The following PKN2 variants were observed in gnomAD, a reference collection of about 807,000 sequenced individuals.
The protein encoded by PKN2 is serine/threonine-protein kinase N2.
In PKN2, 38 loss-of-function variants were observed where a neutral mutation model predicts 119.1. The observed-to-expected ratio is 0.32, with a 90% CI of 0.25 to 0.42. The LOEUF (loss-of-function observed/expected upper bound fraction) is 0.42, where lower values mean the gene tolerates loss of function less well. PKN2 is among the 10% of genes least tolerant of loss of function. The pLI, the probability that PKN2 is intolerant of heterozygous loss-of-function variation, is 1.00. For synonymous variants in PKN2, 390 were observed against 384.9 expected (o/e 1.01, Z -0.15); for missense variants, 850 against 1,165.1 (o/e 0.73, Z 3.94).
At chr1:88,766,562 T>C (rs1669677218) in intron 3 of PKN2, among the ~76,000 whole-genome samples, 1 of 152,236 alleles carries the variant, frequency 6.6e-6, no homozygotes, top group Non-Finnish European at 1.5e-5. Flanking sequence ...TACTAATAGT[T>C]CATTACTTTA....
intron 1 of PKN2, among the ~76,000 whole-genome samples, chr1:88,726,707 A>G (rs1462649083): frequency 1.3e-5 from 2 of 151,920 alleles, no homozygotes; most frequent in Non-Finnish European, 2.9e-5. Context: ...TCTGGAGAAT[A>G]TTGTATAATA....
chr1:88,791,078 A>G (rs886123585), intron 8 of PKN2, among the ~76,000 whole-genome samples: 12 of 152,094 alleles, frequency 7.9e-5, no homozygotes, highest in Non-Finnish European at 1.6e-4. Context: ...ATCATATTGT[A>G]TATTTGGGCA....
At chr1:88,735,602 A>ACCCCCCCCC (rs75497861) in intron 1 of PKN2, among the ~76,000 whole-genome samples, 2 of 51,504 alleles carry the variant, frequency 3.9e-5, no homozygotes, top group Non-Finnish European at 7.8e-5. Flanking sequence ...TTGACAGCCC[A>ACCCCCCCCC]CCCCCCCCCC....
intron 3 of PKN2, among the ~76,000 whole-genome samples, chr1:88,762,689 ATAGT>A (rs1248614189): frequency 2.6e-5 from 4 of 152,166 alleles, no homozygotes; most frequent in African/African-American, 7.2e-5. Context: ...TCACATGTAA[ATAGT>A]TAAAGTGTGT....
chr1:88,716,538 T>C (rs540574825), intron 1 of PKN2, among the ~76,000 whole-genome samples: 6 of 152,294 alleles, frequency 3.9e-5, no homozygotes, highest in African/African-American at 1.4e-4. Flanking sequence ...ATCCCTTTAC[T>C]ATTATGTAAT....
At chr1:88,790,468 T>G (rs1570635018) in intron 8 of PKN2, among the ~76,000 whole-genome samples, 1 of 152,238 alleles carries the variant, frequency 6.6e-6, no homozygotes, top group African/African-American at 2.4e-5. Context: ...GGTTGGAAAT[T>G]ACTTTCATTA....
At chr1:88,694,128 C>A (rs1014651249) in intron 1 of PKN2, among the ~76,000 whole-genome samples, 1 of 152,178 alleles carries the variant, frequency 6.6e-6, no homozygotes, top group African/African-American at 2.4e-5. Context: ...TATATTGACA[C>A]ATCATCATCA....
chr1:88,765,657 GT>G (rs1669639861), intron 3 of PKN2, among the ~76,000 whole-genome samples: 1 of 152,162 alleles, frequency 6.6e-6, no homozygotes, highest in African/African-American at 2.4e-5. Flanking sequence ...AAGTGGTGTT[GT>G]TGTTGTTGTT....
intron 2 of PKN2, among the ~76,000 whole-genome samples, chr1:88,746,408 A>G (rs68166645): frequency 0.052 from 7,869 of 152,186 alleles, 391 homozygotes; most frequent in African/African-American, 0.12. Context: ...TACTGAATTC[A>G]AGGAAAAGAA....
chr1:88,797,134 G>C (rs1040952237), intron 8 of PKN2, among the ~76,000 whole-genome samples: 19 of 151,822 alleles, frequency 1.3e-4, no homozygotes, highest in Non-Finnish European at 2.8e-4. Flanking sequence ...AGGAGTTCAA[G>C]ACCAGCCTGG....
At chr1:88,772,249 C>A (rs1046282099) in intron 6 of PKN2, among the ~76,000 whole-genome samples, 5 of 152,138 alleles carry the variant, frequency 3.3e-5, no homozygotes, top group Admixed American at 3.3e-4. Flanking sequence ...TAATTTGTGA[C>A]CTTTTTTGCC....
In PKN2 at chr1:88,833,727, AAT is replaced by A; in HGVS notation, c.*281_*282del. On this transcript the variant is annotated 3_prime_UTR_variant, in exon 22 of 22. Coordinates refer to ENST00000370521, the MANE Select transcript of PKN2 (RefSeq NM_006256.4). ...AATCCATCACGAATACTTTTGGATCAATAGTCTATTTTTAAAAAGAAAGAAAA... is the reference window on the plus strand; with the variant it reads ...AATCCATCACGAATACTTTTGGATCAAGTCTATTTTTAAAAAGAAAGAAAA... 3.1e-6 allele frequency: 1 copy of A among 325,354 alleles called. No homozygotes were observed. The highest frequency in any genetic ancestry group is 5.6e-6 in the Non-Finnish European group (1 of 179,198). 20.2% of individuals were successfully genotyped at this position (325,354 alleles called of 1,614,324 possible).
intron 8 of PKN2, among the ~76,000 whole-genome samples, chr1:88,799,163 A>C (rs186169619): frequency 6.6e-6 from 1 of 152,352 alleles, no homozygotes; most frequent in African/African-American, 2.4e-5. Context: ...GATAGAGCAT[A>C]GCAGTTTCTA....
At chr1:88,786,000 A>G (rs1255770535) in intron 7 of PKN2, 104 bp from the exon 8 acceptor site, 1 of 629,906 alleles carries the variant, frequency 1.6e-6, no homozygotes, top group Non-Finnish European at 2.8e-6. Context: ...GAAAAACTTT[A>G]TTTTCAAAGG....
In PKN2 at chr1:88,775,834, A is replaced by G. The variant is rs533608048; in HGVS notation, c.985+3955A>G. 1.1e-4 allele frequency among the ~76,000 whole-genome samples: 17 copies of G among 152,310 alleles called. No homozygotes were observed. In the East Asian group the frequency reaches 3.3e-3, roughly 29 times the overall value. ...GAAATATTGGCTTCTGGCCAGGCGC[A>G]GTGGCTCACGCCTGTAATCTCAGCA... On this transcript the variant is annotated intron_variant, in intron 6 of 21. Coordinates refer to ENST00000370521, the MANE Select transcript of PKN2 (RefSeq NM_006256.4).
intron 1 of PKN2, among the ~76,000 whole-genome samples, chr1:88,699,602 T>C (rs868026465): frequency 2.6e-5 from 4 of 151,962 alleles, no homozygotes; most frequent in Non-Finnish European, 5.9e-5. Context: ...GTAGGCCCCA[T>C]TGTGTGGTGT....
chr1:88,822,839 A>G (rs1390240133), intron 17 of PKN2, among the ~76,000 whole-genome samples: 1 of 152,034 alleles, frequency 6.6e-6, no homozygotes, highest in Non-Finnish European at 1.5e-5. Flanking sequence ...TCGGCCTCCC[A>G]AAGTGCTGGG....
intron 18 of PKN2, among the ~76,000 whole-genome samples, chr1:88,825,982 C>T (rs566853774): frequency 2.6e-5 from 4 of 152,224 alleles, no homozygotes; most frequent in Admixed American, 1.3e-4. Flanking sequence ...AACATCTGCT[C>T]ATCCTTGTCA....
At chr1:88,823,297 G>A (rs559868357) in intron 17 of PKN2, among the ~76,000 whole-genome samples, 1 of 152,232 alleles carries the variant, frequency 6.6e-6, no homozygotes, top group Non-Finnish European at 1.5e-5. Flanking sequence ...TAGTATGGAT[G>A]GATAGCTTTC....
Sources: allele counts gnomAD v4.1 joint callset (sites outside exome capture counted in the v4.1 genomes callset), GRCh38; gene constraint gnomAD v4.1.1; transcripts MANE v1.5; gene names NCBI Gene and HGNC (gene_info 2026-07-23, HGNC 2026-07-21).